The following KCNN4 variants were observed in gnomAD, a reference collection of about 807,000 sequenced individuals.
KCNN4 encodes the protein potassium calcium-activated channel subfamily N member 4.
KCNN4 carries 31 observed loss-of-function variants against 45.2 expected under a neutral mutation model. The observed-to-expected ratio is 0.69, with a 90% confidence interval of 0.52 to 0.92. The LOEUF (loss-of-function observed/expected upper bound fraction) is 0.92, where lower values mean the gene tolerates loss of function less well. Ranked by LOEUF, KCNN4 falls within the 40% of genes least tolerant of loss-of-function variation. The pLI is 0.00. For missense variants in KCNN4, 463 were observed against 574.0 expected (o/e 0.81, Z 1.98); for synonymous variants, 231 against 254.6 (o/e 0.91, Z 0.88).
In KCNN4 at chr19:43,775,795, G is replaced by A. The variant is rs374823446; in HGVS notation, c.255+746C>T. Among the ~76,000 whole-genome samples, 39 of 152,164 alleles carry A rather than the reference G, an allele frequency of 2.6e-4. 1 individual carries two copies. The highest frequency in any genetic ancestry group is 9.2e-4 in the African/African-American group (38 of 41,510). The stretch of plus-strand genomic sequence containing the variant: ...GCTCCTGGGTCTGGGGCAAGAGGGA[G>A]GTTATTGGCACAGAGATAGGGTGAT... On this transcript the variant is annotated intron_variant, in intron 2 of 8. Coordinates refer to ENST00000648319, the MANE Select transcript of KCNN4 (RefSeq NM_002250.3).
chr19:43,769,734 G>C lies in KCNN4; in HGVS notation c.915C>G (p.Ile305Met). The change falls in exon 5 of 9, where the codon ATC becomes ATG. Residue 305 changes from isoleucine to methionine, a missense_variant. Transcript: ENST00000648319. This position sits in a 1 kb window ranked among gnomAD's most constrained non-coding sequence, Gnocchi z 4.4. ...CCCATCTCACCTCTTTGGTATACTGGATATCCATCATGAAGTTGTGCACGT... is the reference window on the plus strand; with the variant it reads ...CCCATCTCACCTCTTTGGTATACTGCATATCCATCATGAAGTTGTGCACGT... ...EKHVHNFMMDIQYTKEMKESA... is the reference protein window; with the variant it reads ...EKHVHNFMMDMQYTKEMKESA... 6.2e-7 allele frequency: 1 copy of C among 1,613,446 alleles called. No homozygotes were observed. Among genetic ancestry groups the C allele is most frequent in the Non-Finnish European group, 8.5e-7 (1 of 1,179,546 alleles).
At chr19:43,771,055 T>G (rs1046835212) in intron 4 of KCNN4, among the ~76,000 whole-genome samples, 2 of 152,078 alleles carry the variant, frequency 1.3e-5, no homozygotes, top group African/African-American at 2.4e-5. Context: ...GCTGGTGGCT[T>G]AGGTCCCCGA....
rs766678796 is a variant in KCNN4 at position 43,774,081 on chromosome 19, A to T, written c.683+111T>A. Reference sequence around the variant, plus strand: ...AAGAGGAGAAGGGGTCAAAGTGTGAACTTTCTCCACTGCTTGGTCCTAGGG... The same window carrying T: ...AAGAGGAGAAGGGGTCAAAGTGTGATCTTTCTCCACTGCTTGGTCCTAGGG... On this transcript the variant is annotated intron_variant, in intron 3 of 8. Coordinates refer to ENST00000648319, the MANE Select transcript of KCNN4 (RefSeq NM_002250.3). This position sits in a 1 kb window ranked among gnomAD's most constrained non-coding sequence, Gnocchi z 5.6. 1.8e-5 allele frequency: 21 copies of T among 1,158,760 alleles called. No homozygotes were observed. Among genetic ancestry groups the T allele is most frequent in the Non-Finnish European group, 2.5e-5 (21 of 828,492 alleles). The allele number at this position is 1,158,760 out of a possible 1,614,324, so 71.8% of individuals were successfully genotyped here. A position where few individuals can be genotyped will look rare whatever the true frequency, so the allele number is the denominator to read the frequency against.
chr19:43,774,516 G>T lies in KCNN4; in HGVS notation c.359C>A (p.Ala120Glu), dbSNP rs770976851. ...CACGCACGGCGGGCCCCGCACGGGCGCCGGGTGCAGCCCACACACCACCAG... is the reference window on the plus strand; with the variant it reads ...CACGCACGGCGGGCCCCGCACGGGCTCCGGGTGCAGCCCACACACCACCAG... Reference protein sequence around the residue: ...LELVVCGLHPAPVRGPPCVQD... With the variant: ...LELVVCGLHPEPVRGPPCVQD... Residue 120 changes from alanine (A) to glutamate (E), a missense_variant, in exon 3 of 9, where the codon GCG becomes GAG. Ala to Glu is a moderately radical substitution (Grantham distance 107, BLOSUM62 -1). Coordinates refer to ENST00000648319, the MANE Select transcript of KCNN4 (RefSeq NM_002250.3). This position sits in a 1 kb window ranked among gnomAD's most constrained non-coding sequence, Gnocchi z 5.6. 3.1e-6 allele frequency: 5 copies of T among 1,595,670 alleles called. No individual in the cohort carries two copies. The highest frequency in any genetic ancestry group is 3.4e-6 in the Non-Finnish European group (4 of 1,174,886).
In KCNN4 at chr19:43,767,650, C is replaced by T; in HGVS notation, c.1177G>A (p.Glu393Lys). ...QNLSSSHRAL[E>K]KQIDTLAGKL... ...CCCGCCAGCGTGTCAATCTGTTTCT[C>T]CAGGGCCCGGTGTGAGCTGCTCAGA... The change falls in exon 8 of 9, where the codon GAG becomes AAG. Residue 393 changes from glutamate (E) to lysine (K), a missense_variant. This residue lies in a region of KCNN4 where 129 missense variants were observed against 149.4 expected (regional missense o/e 0.86). Coordinates refer to ENST00000648319, the MANE Select transcript of KCNN4 (RefSeq NM_002250.3). 1 of 1,614,174 alleles carries T rather than the reference C, an allele frequency of 6.2e-7. No individual in the cohort carries two copies. The highest frequency in any genetic ancestry group is 1.1e-5 in the South Asian group (1 of 91,072).
chr19:43,779,990 A>T (rs1253922002), intron 1 of KCNN4, among the ~76,000 whole-genome samples: 2 of 152,082 alleles, frequency 1.3e-5, no homozygotes, highest in African/African-American at 2.4e-5. Context: ...CCCCACCCCC[A>T]AGGCAGTTTT....
chr19:43,779,119 G>A (rs1969898627), intron 1 of KCNN4, among the ~76,000 whole-genome samples: 1 of 152,204 alleles, frequency 6.6e-6, no homozygotes, highest in Non-Finnish European at 1.5e-5. Flanking sequence ...AGGTTCAGAG[G>A]GTTGTAACAG....
chr19:43,780,682 C>T (rs1233685303), intron 1 of KCNN4, 21 bp downstream of exon 1: 2 of 1,609,766 alleles, frequency 1.2e-6, no homozygotes, highest in Non-Finnish European at 8.5e-7. Flanking sequence ...TCCCAGCTCC[C>T]AGCCACCATG....
Position 43,775,296 on chromosome 19 carries a change from T to C in KCNN4, c.256-677A>G, listed in dbSNP as rs529745728. ...GAGCTGAGGTCATGCCACTGCACTC[T>C]AGCCTGGGTGACAGAGCGAGACTCC... On this transcript the variant is annotated intron_variant, in intron 2 of 8. Coordinates refer to ENST00000648319, the MANE Select transcript of KCNN4 (RefSeq NM_002250.3). 1.1e-4 allele frequency among the ~76,000 whole-genome samples: 17 copies of C among 152,310 alleles called. 1 individual carries two copies. The highest frequency in any genetic ancestry group is 3.4e-3 in the Middle Eastern group (1 of 294).
Position 43,774,681 on chromosome 19 carries a change from GCCCGCGCCTGCCT to G in KCNN4, c.256-75_256-63del. On this transcript the variant is annotated intron_variant, in intron 2 of 8. Coordinates refer to ENST00000648319, the MANE Select transcript of KCNN4 (RefSeq NM_002250.3). The surrounding 1 kb of genome is among the most constrained non-coding windows in gnomAD (Gnocchi z 5.6). ...CAGGTCAGGCGCAGGTCAGGCGGCG[GCCCGCGCCTGCCT>G]GCGCCCTGAGATAAGTGGGGTGTGC... 1.5e-6 allele frequency: 2 copies of G among 1,374,876 alleles called. No individual in the cohort carries two copies. The highest frequency in any genetic ancestry group is 1.9e-6 in the Non-Finnish European group (2 of 1,054,484). 85.2% of individuals were successfully genotyped at this position (1,374,876 alleles called of 1,614,324 possible).
rs1336771289 is a variant in KCNN4 at position 43,774,182 on chromosome 19, T to A, written c.683+10A>T. The A allele has an allele frequency of 2.5e-6, 4 of 1,604,728 alleles. No homozygotes were observed. In the East Asian group the frequency reaches 9.0e-5, roughly 36 times the overall value. ...TCCCCCCTGCGCATTTATGCCTCCA[T>A]CACCCTCACCTCTCGGCCACGGACA... On this transcript the variant is annotated intron_variant, in intron 3 of 8. Transcript: ENST00000648319. The surrounding 1 kb of genome is among the most constrained non-coding windows in gnomAD (Gnocchi z 5.6).
chr19:43,771,977 G>A, intron 4 of KCNN4, 23 bp downstream of exon 4: 4 of 1,575,086 alleles, frequency 2.5e-6, no homozygotes, highest in Non-Finnish European at 3.4e-6. Flanking sequence ...TAGGGATCAT[G>A]TCCCCAAGGC....
At chr19:43,767,396 T>C in intron 8 of KCNN4, 144 bp downstream of exon 8, 1 of 1,026,682 alleles carries the variant, frequency 9.7e-7, no homozygotes, top group African/African-American at 1.6e-5. Flanking sequence ...CCGAACTGAG[T>C]CCTTTCCTCC....
chr19:43,768,394 C>T (rs1159156603), intron 7 of KCNN4, among the ~76,000 whole-genome samples: 1 of 152,244 alleles, frequency 6.6e-6, no homozygotes, highest in Non-Finnish European at 1.5e-5. Flanking sequence ...GGTGTTGTGA[C>T]ATCATTGTCC....
At chr19:43,778,263 G>A (rs1490128817) in intron 1 of KCNN4, among the ~76,000 whole-genome samples, 7 of 150,984 alleles carry the variant, frequency 4.6e-5, no homozygotes, top group Admixed American at 1.3e-4. Context: ...TTTTTGAGAC[G>A]GAGTCTTGCT....
chr19:43,775,984 T>A (rs904078494), intron 2 of KCNN4, among the ~76,000 whole-genome samples: 4 of 151,614 alleles, frequency 2.6e-5, no homozygotes, highest in African/African-American at 9.7e-5. Flanking sequence ...AAAAATTAGC[T>A]GGGCGTGGTG....
intron 7 of KCNN4, among the ~76,000 whole-genome samples, chr19:43,768,739 A>G (rs1408168564): frequency 1.3e-5 from 2 of 151,220 alleles, no homozygotes; most frequent in African/African-American, 4.9e-5. Flanking sequence ...TTCTTTGTGC[A>G]ATTTTTTTTT....
intron 8 of KCNN4, 124 bp downstream of exon 8, chr19:43,767,416 C>T: frequency 8.1e-7 from 1 of 1,237,618 alleles, no homozygotes; most frequent in Non-Finnish European, 1.1e-6. Flanking sequence ...CAGACAGTGC[C>T]AGAGCTGATG....
chr19:43,775,905 C>G (rs1382431309), intron 2 of KCNN4, among the ~76,000 whole-genome samples: 1 of 151,844 alleles, frequency 6.6e-6, no homozygotes, highest in Admixed American at 6.6e-5. Context: ...GGTGGGCAGA[C>G]TGCTTGAGCT....
Sources: allele counts gnomAD v4.1 joint callset (sites outside exome capture counted in the v4.1 genomes callset), GRCh38; gene constraint gnomAD v4.1.1; regional missense constraint gnomAD v4.1.1; non-coding constraint Gnocchi (gnomAD v3.1); transcripts MANE v1.5; gene names NCBI Gene and HGNC (gene_info 2026-07-23, HGNC 2026-07-21).